The following LRRC18 variants were observed in gnomAD, a reference collection of about 807,000 sequenced individuals.
LRRC18 encodes the protein leucine rich repeat containing 18, also known as leucine-rich repeat-containing protein 18.
A neutral mutation model predicts 11.2 loss-of-function variants in LRRC18; 12 were observed. The observed-to-expected ratio is 1.07, with a 90% CI of 0.69 to 1.74. The LOEUF (loss-of-function observed/expected upper bound fraction) is 1.74. Ranked by LOEUF, LRRC18 falls within the 40% of genes most tolerant of loss-of-function variation. The pLI, the probability that LRRC18 is intolerant of heterozygous loss-of-function variation, is 0.00. For synonymous variants in LRRC18, 155 were observed against 130.6 expected (o/e 1.19, Z -1.27); for missense variants, 374 against 330.5 (o/e 1.13, Z -1.02).
chr10:48,924,584 G>A, the LRRC18 span, among the ~76,000 whole-genome samples: 3 of 152,152 alleles, frequency 2.0e-5, no homozygotes, highest in Non-Finnish European at 4.4e-5. Context: ...AAATATAAGA[G>A]GTTTCTAAAG....
chr10:48,933,597 G>C, the LRRC18 span, among the ~76,000 whole-genome samples: 1 of 152,174 alleles, frequency 6.6e-6, no homozygotes, highest in Non-Finnish European at 1.5e-5. Flanking sequence ...CATCCTTATA[G>C]CTCATCCCTC....
At chr10:48,923,079 G>T in the LRRC18 span, among the ~76,000 whole-genome samples, 1 of 152,130 alleles carries the variant, frequency 6.6e-6, no homozygotes, top group Non-Finnish European at 1.5e-5. Context: ...CAAAATAGTT[G>T]GGACTCCATA....
At chr10:48,911,906 G>A (rs1838039503) in intron 1 of LRRC18, among the ~76,000 whole-genome samples, 1 of 152,222 alleles carries the variant, frequency 6.6e-6, no homozygotes, top group South Asian at 2.1e-4. Context: ...GAGGAAGTAA[G>A]CAGCAAGGGG....
Position 48,910,277 on chromosome 10 carries a change from G to C in LRRC18, c.765-19C>G. 1 of 1,596,582 alleles carries C rather than the reference G, an allele frequency of 6.3e-7. No individual in the cohort carries two copies. The highest frequency in any genetic ancestry group is 1.7e-5 in the Admixed American group (1 of 59,456). ...GCGTATTCTGGGGATGGAGACACAA[G>C]AAGGTGAGGCAATTGCTCCAGGCCA... On this transcript the variant is annotated intron_variant, in intron 1 of 1. Transcript: ENST00000374160.
At chr10:48,911,852 A>G (rs540634916) in intron 1 of LRRC18, among the ~76,000 whole-genome samples, 14 of 152,364 alleles carry the variant, frequency 9.2e-5, no homozygotes, top group Non-Finnish European at 1.8e-4. Flanking sequence ...AGATCTCCCA[A>G]GGTTTTAGAA....
rs554754053 is a variant in LRRC18 at position 48,913,178 on chromosome 10, C to T, written c.764+214G>A. Among the ~76,000 whole-genome samples, 3 of 152,248 alleles carry T rather than the reference C, an allele frequency of 2.0e-5. No homozygotes were observed. The East Asian group carries it at 5.8e-4, about 29-fold the overall frequency. ...GTGCCTGTACTTGTGAGTGTGTGTG[C>T]AGAGGACAGAGAAATGTGTGGAATG... On this transcript the variant is annotated intron_variant, in intron 1 of 1. Transcript: ENST00000374160.
chr10:48,930,245 G>C, the LRRC18 span, among the ~76,000 whole-genome samples: 1 of 152,204 alleles, frequency 6.6e-6, no homozygotes, highest in South Asian at 2.1e-4. Context: ...TTGACTCACT[G>C]TTTTTACATG....
At chr10:48,939,159 C>T in the LRRC18 span, among the ~76,000 whole-genome samples, 1 of 152,214 alleles carries the variant, frequency 6.6e-6, no homozygotes, top group Admixed American at 6.5e-5. Flanking sequence ...CAGAGGGGGA[C>T]TGGCAGAGCC....
the LRRC18 span, among the ~76,000 whole-genome samples, chr10:48,930,538 G>A: frequency 6.6e-6 from 1 of 152,194 alleles, no homozygotes; most frequent in East Asian, 1.9e-4. Context: ...GCAAAGAGAC[G>A]AGATGAAGCA....
At chr10:48,921,568 A>G in the LRRC18 span, among the ~76,000 whole-genome samples, 7 of 150,322 alleles carry the variant, frequency 4.7e-5, no homozygotes, top group Admixed American at 6.7e-5. Context: ...TTTACAAAAG[A>G]TAGTATTAAT....
the LRRC18 span, among the ~76,000 whole-genome samples, chr10:48,924,711 G>A: frequency 6.6e-6 from 1 of 152,186 alleles, no homozygotes; most frequent in Non-Finnish European, 1.5e-5. Context: ...GAATCAAACA[G>A]CATGGTGGGA....
At chr10:48,913,275 T>C in intron 1 of LRRC18, 117 bp downstream of exon 3, 1 of 953,680 alleles carries the variant, frequency 1.0e-6, no homozygotes, top group Non-Finnish European at 1.6e-6. Context: ...TTTATGGGCT[T>C]GGCTGAAAGA....
At chr10:48,937,753 T>A in the LRRC18 span, among the ~76,000 whole-genome samples, 1 of 152,168 alleles carries the variant, frequency 6.6e-6, no homozygotes, top group Non-Finnish European at 1.5e-5. Context: ...TCCAGCAGGG[T>A]GTCTCTGGTT....
chr10:48,935,415 C>T, the LRRC18 span, among the ~76,000 whole-genome samples: 1 of 152,252 alleles, frequency 6.6e-6, no homozygotes, highest in Non-Finnish European at 1.5e-5. Context: ...CTGCTGTTCA[C>T]CCAGCAGTCA....
chr10:48,920,274 C>T, the LRRC18 span, among the ~76,000 whole-genome samples: 1 of 151,400 alleles, frequency 6.6e-6, no homozygotes, highest in African/African-American at 2.4e-5. Flanking sequence ...GGACAAAAAA[C>T]CAAATACCAC....
the LRRC18 span, among the ~76,000 whole-genome samples, chr10:48,926,340 G>T: frequency 3.3e-5 from 5 of 152,232 alleles, no homozygotes; most frequent in Non-Finnish European, 5.9e-5. Context: ...AGAACTCTGG[G>T]TGATGAGACA....
chr10:48,928,476 C>T, the LRRC18 span, among the ~76,000 whole-genome samples: 2 of 151,764 alleles, frequency 1.3e-5, no homozygotes, highest in South Asian at 2.1e-4. Flanking sequence ...ACTCCAGGTG[C>T]CAGCCCAGTA....
chr10:48,929,390 T>G, the LRRC18 span, among the ~76,000 whole-genome samples: 1 of 152,088 alleles, frequency 6.6e-6, no homozygotes, highest in Non-Finnish European at 1.5e-5. Context: ...AGCAGGAAGC[T>G]ATTGTGTCCT....
upstream of LRRC18, among the ~76,000 whole-genome samples, chr10:48,915,284 A>G (rs1425390698): frequency 6.6e-6 from 1 of 152,220 alleles, no homozygotes; most frequent in Non-Finnish European, 1.5e-5. Flanking sequence ...GGTCCACAGC[A>G]TTACCCTATC....
Sources: gnomAD v4.1 joint callset for allele counts (sites outside exome capture counted in the v4.1 genomes callset) on GRCh38, gnomAD v4.1.1 for gene constraint, MANE v1.5 for transcripts, NCBI Gene and HGNC (gene_info 2026-07-23, HGNC 2026-07-21) for gene names.